PTPRK: variants seen among roughly 807,000 people sequenced by gnomAD.
The protein encoded by PTPRK is protein tyrosine phosphatase receptor type K, also known as receptor-type tyrosine-protein phosphatase kappa.
In PTPRK, 75 loss-of-function variants were observed where a neutral mutation model predicts 178.0. The ratio of observed to expected loss-of-function variants is 0.42; its 90% CI spans 0.35 to 0.51. PTPRK has a LOEUF of 0.51. PTPRK is among the 20% of genes least tolerant of loss of function. The probability of loss-of-function intolerance (pLI) is 0.02; values close to 1 mark genes in which losing one functional copy is unlikely to be tolerated. For synonymous variants in PTPRK, 637 were observed against 620.6 expected (o/e 1.03, Z -0.39); for missense variants, 1,441 against 1,797.8 (o/e 0.80, Z 3.59).
intron 3 of PTPRK, among the ~76,000 whole-genome samples, chr6:128,319,925 T>C (rs1417381326): frequency 2.6e-5 from 4 of 152,176 alleles, no homozygotes; most frequent in Non-Finnish European, 5.9e-5. Context: ...TAAAAAGTAC[T>C]CTGTTGTTTG....
intron 11 of PTPRK, 117 bp from the exon 12 acceptor site, chr6:128,067,909 A>G: frequency 9.9e-7 from 1 of 1,006,018 alleles, no homozygotes; most frequent in Non-Finnish European, 1.4e-6. Flanking sequence ...AAAGTATTTA[A>G]AGTTAGTCTT....
intron 11 of PTPRK, among the ~76,000 whole-genome samples, chr6:128,075,421 C>T (rs1783620918): frequency 6.6e-6 from 1 of 152,014 alleles, no homozygotes; most frequent in Non-Finnish European, 1.5e-5. Flanking sequence ...CTCCCACAGA[C>T]CCTTCACTCT....
chr6:128,257,775 A>C (rs997957994), intron 3 of PTPRK, among the ~76,000 whole-genome samples: 1 of 152,212 alleles, frequency 6.6e-6, no homozygotes, highest in Non-Finnish European at 1.5e-5. Flanking sequence ...AAGTGAAATG[A>C]TGTAATAAAA....
intron 1 of PTPRK, among the ~76,000 whole-genome samples, chr6:128,428,518 T>C (rs914876920): frequency 6.6e-6 from 1 of 152,198 alleles, no homozygotes; most frequent in Non-Finnish European, 1.5e-5. Flanking sequence ...AGGAACGTCA[T>C]ACAGAGTGCT....
intron 1 of PTPRK, among the ~76,000 whole-genome samples, chr6:128,479,675 A>G (rs1278118825): frequency 6.6e-6 from 1 of 152,164 alleles, no homozygotes; most frequent in Non-Finnish European, 1.5e-5. Flanking sequence ...AATTTGAAAG[A>G]GAAATGATTA....
intron 7 of PTPRK, among the ~76,000 whole-genome samples, chr6:128,154,731 T>C (rs1797735269): frequency 6.6e-6 from 1 of 151,690 alleles, no homozygotes; most frequent in South Asian, 2.1e-4. Context: ...TAACCCAATT[T>C]CCAGCTTTTA....
chr6:127,990,005 C>T (rs938762351), intron 21 of PTPRK, among the ~76,000 whole-genome samples: 2 of 152,056 alleles, frequency 1.3e-5, no homozygotes, highest in Non-Finnish European at 2.9e-5. Context: ...TCACTTTAGT[C>T]TACTACACCA....
intron 2 of PTPRK, among the ~76,000 whole-genome samples, chr6:128,391,977 G>C (rs1399086638): frequency 2.0e-5 from 3 of 151,832 alleles, no homozygotes; most frequent in African/African-American, 7.3e-5. Context: ...AGAAAGCCAG[G>C]TACAAAATCA....
chr6:128,455,058 A>T (rs1848230437), intron 1 of PTPRK, among the ~76,000 whole-genome samples: 1 of 152,194 alleles, frequency 6.6e-6, no homozygotes, highest in Non-Finnish European at 1.5e-5. Flanking sequence ...ATATAAAACA[A>T]ACTATTCTAA....
At chr6:128,019,734 T>C (rs1773196456) in intron 13 of PTPRK, among the ~76,000 whole-genome samples, 1 of 152,180 alleles carries the variant, frequency 6.6e-6, no homozygotes, top group Non-Finnish European at 1.5e-5. Context: ...TTTACATCCC[T>C]GTGTTGTCTA....
intron 1 of PTPRK, among the ~76,000 whole-genome samples, chr6:128,462,249 C>T (rs1849145450): frequency 6.6e-6 from 1 of 152,162 alleles, no homozygotes; most frequent in African/African-American, 2.4e-5. Context: ...TCTAGAGCAG[C>T]ATTCTCCAAT....
chr6:128,392,003 C>T (rs760769693), intron 2 of PTPRK, among the ~76,000 whole-genome samples: 68 of 151,954 alleles, frequency 4.5e-4, no homozygotes, highest in Admixed American at 1.2e-3. Context: ...CCCATGCATG[C>T]TCCCCACTGA....
chr6:128,077,382 C>T (rs1784024387), intron 11 of PTPRK, among the ~76,000 whole-genome samples: 1 of 151,998 alleles, frequency 6.6e-6, no homozygotes, highest in African/African-American at 2.4e-5. Context: ...CCTCAGCCAA[C>T]TCTTTTTCTC....
intron 13 of PTPRK, among the ~76,000 whole-genome samples, chr6:128,043,450 A>G (rs1441438462): frequency 6.6e-6 from 1 of 152,082 alleles, no homozygotes; most frequent in African/African-American, 2.4e-5. Flanking sequence ...TTTTAGTATG[A>G]AATCATTTTG....
chr6:128,466,744 C>T (rs1196191908), intron 1 of PTPRK, among the ~76,000 whole-genome samples: 2 of 151,920 alleles, frequency 1.3e-5, no homozygotes, highest in Non-Finnish European at 2.9e-5. Context: ...GAAAATGAAT[C>T]AACAGAAAAG....
At chr6:128,269,034 T>C (rs1819382317) in intron 3 of PTPRK, among the ~76,000 whole-genome samples, 1 of 152,028 alleles carries the variant, frequency 6.6e-6, no homozygotes, top group Admixed American at 6.6e-5. Context: ...ATCATTGGCT[T>C]TCCACCAATA....
At chr6:128,434,353 TC>T (rs1354354587) in intron 1 of PTPRK, among the ~76,000 whole-genome samples, 2 of 152,180 alleles carry the variant, frequency 1.3e-5, no homozygotes, top group Non-Finnish European at 2.9e-5. Context: ...CTACTCAGTT[TC>T]AAAACGACTA....
chr6:128,082,161 A>G (rs193272427), intron 10 of PTPRK, among the ~76,000 whole-genome samples: 3 of 152,268 alleles, frequency 2.0e-5, no homozygotes, highest in Admixed American at 2.0e-4. Context: ...AAGATCTATT[A>G]GGATTTATAA....
chr6:128,168,124 T>C (rs1461520651), intron 7 of PTPRK, among the ~76,000 whole-genome samples: 3 of 152,130 alleles, frequency 2.0e-5, no homozygotes, highest in Non-Finnish European at 4.4e-5. Context: ...CAACAGCAAA[T>C]GCCAGAAAAT....
Sources: gnomAD v4.1 joint callset for allele counts (sites outside exome capture counted in the v4.1 genomes callset) on GRCh38, gnomAD v4.1.1 for gene constraint, MANE v1.5 for transcripts, NCBI Gene and HGNC (gene_info 2026-07-23, HGNC 2026-07-21) for gene names.